Variants in SH3BGRL2 observed in about 807,000 individuals in gnomAD.
SH3BGRL2 encodes SH3 domain-binding glutamic acid-rich-like protein 2.
SH3BGRL2 carries 21 observed loss-of-function variants against 14.8 expected under a neutral mutation model. That is an observed-to-expected ratio of 1.42 (90% CI 1.01 to 2.05). The LOEUF (loss-of-function observed/expected upper bound fraction) is 2.05, where lower values mean the gene tolerates loss of function less well. SH3BGRL2 is among the 30% of genes most tolerant of loss of function. The pLI is 0.00. For synonymous variants in SH3BGRL2, 50 were observed against 47.8 expected (o/e 1.05, Z -0.19); for missense variants, 147 against 130.8 (o/e 1.12, Z -0.61).
chr6:79,653,496 A>C (rs997758848), intron 1 of SH3BGRL2, among the ~76,000 whole-genome samples: 7 of 152,246 alleles, frequency 4.6e-5, no homozygotes, highest in Non-Finnish European at 8.8e-5. Flanking sequence ...ATTTGTAAAC[A>C]GTCTAATGTC....
At chr6:79,663,849 T>C (rs1006202196) in intron 1 of SH3BGRL2, among the ~76,000 whole-genome samples, 1 of 152,170 alleles carries the variant, frequency 6.6e-6, no homozygotes, top group East Asian at 1.9e-4. Flanking sequence ...GGTGGCTTTG[T>C]TTACCTACTC....
chr6:79,681,609 A>G (rs1769989084), intron 2 of SH3BGRL2, among the ~76,000 whole-genome samples: 2 of 152,212 alleles, frequency 1.3e-5, no homozygotes, highest in African/African-American at 4.8e-5. Flanking sequence ...GAGATGTGTT[A>G]GCATTTTCTC....
chr6:79,637,482 G>C (rs1205492589), intron 1 of SH3BGRL2, among the ~76,000 whole-genome samples: 1 of 152,050 alleles, frequency 6.6e-6, no homozygotes, highest in East Asian at 1.9e-4. Context: ...CACGAGGTCA[G>C]GAGTTCGAGA....
chr6:79,698,679 A>G (rs1770381516), intron 3 of SH3BGRL2, among the ~76,000 whole-genome samples: 1 of 149,932 alleles, frequency 6.7e-6, no homozygotes, highest in African/African-American at 2.5e-5. Context: ...GGCCCTGGAT[A>G]TGTTGTTTGT....
At chr6:79,680,047 T>TAA (rs1311848660) in intron 2 of SH3BGRL2, among the ~76,000 whole-genome samples, 1 of 152,208 alleles carries the variant, frequency 6.6e-6, no homozygotes, top group Non-Finnish European at 1.5e-5. Flanking sequence ...TTCACTCTGT[T>TAA]GATTGTGTCC....
the SH3BGRL2 span, among the ~76,000 whole-genome samples, chr6:79,621,970 T>C: frequency 6.6e-6 from 1 of 152,012 alleles, no homozygotes; most frequent in Non-Finnish European, 1.5e-5. Context: ...CTTGCAACCA[T>C]GAGGTGGTAA....
chr6:79,559,399 T>G, the SH3BGRL2 span, among the ~76,000 whole-genome samples: 2 of 152,078 alleles, frequency 1.3e-5, no homozygotes, highest in Non-Finnish European at 1.5e-5. Flanking sequence ...TCAACACCAC[T>G]CATGCAACAT....
chr6:79,605,943 T>C, the SH3BGRL2 span, among the ~76,000 whole-genome samples: 1 of 152,214 alleles, frequency 6.6e-6, no homozygotes, highest in Non-Finnish European at 1.5e-5. Context: ...AGCATTCAAC[T>C]GTCAACTTAA....
intron 1 of SH3BGRL2, among the ~76,000 whole-genome samples, chr6:79,642,346 C>A (rs796542649): frequency 2.6e-5 from 4 of 152,082 alleles, no homozygotes; most frequent in Non-Finnish European, 5.9e-5. Context: ...AAATACTATA[C>A]GACTTGATAT....
At chr6:79,696,425 CA>C in intron 2 of SH3BGRL2, 59 bp from the exon 3 acceptor site, 2 of 1,260,334 alleles carry the variant, frequency 1.6e-6, no homozygotes, top group Non-Finnish European at 2.2e-6. Context: ...TTCAAAGTAC[CA>C]AATATAAAGA....
At chr6:79,652,433 G>A (rs746132161) in intron 1 of SH3BGRL2, among the ~76,000 whole-genome samples, 19 of 152,088 alleles carry the variant, frequency 1.2e-4, no homozygotes, top group Non-Finnish European at 2.2e-4. Flanking sequence ...GTATCATTCT[G>A]CAACAGATTG....
At chr6:79,690,979 G>T (rs901704337) in intron 2 of SH3BGRL2, among the ~76,000 whole-genome samples, 3 of 152,098 alleles carry the variant, frequency 2.0e-5, no homozygotes, top group African/African-American at 4.8e-5. Context: ...TGAATTTTTT[G>T]ATTTTTTTTC....
At chr6:79,613,010 G>A in the SH3BGRL2 span, among the ~76,000 whole-genome samples, 1 of 152,190 alleles carries the variant, frequency 6.6e-6, no homozygotes, top group Non-Finnish European at 1.5e-5. Context: ...TCACCAGCTT[G>A]TGGAAGGAGG....
At chr6:79,560,471 T>C in the SH3BGRL2 span, among the ~76,000 whole-genome samples, 1 of 151,866 alleles carries the variant, frequency 6.6e-6, no homozygotes, top group African/African-American at 2.4e-5. Context: ...AGCTCAGGAG[T>C]TGGAGGTTGT....
the SH3BGRL2 span, among the ~76,000 whole-genome samples, chr6:79,540,472 T>C: frequency 8.6e-5 from 13 of 151,964 alleles, no homozygotes; most frequent in South Asian, 2.3e-3. Flanking sequence ...AAATAAATAG[T>C]ATAATTTCAT....
intron 1 of SH3BGRL2, among the ~76,000 whole-genome samples, chr6:79,638,585 C>G (rs1582712971): frequency 6.6e-6 from 1 of 152,158 alleles, no homozygotes; most frequent in Non-Finnish European, 1.5e-5. Context: ...ATGAGGTCCT[C>G]TTTCTCTGCA....
At chr6:79,644,509 A>G (rs942255745) in intron 1 of SH3BGRL2, among the ~76,000 whole-genome samples, 2 of 152,166 alleles carry the variant, frequency 1.3e-5, no homozygotes, top group Non-Finnish European at 2.9e-5. Context: ...CTCTAATATT[A>G]GATTATTTAT....
the SH3BGRL2 span, among the ~76,000 whole-genome samples, chr6:79,609,916 C>A: frequency 6.6e-6 from 1 of 152,166 alleles, no homozygotes; most frequent in East Asian, 1.9e-4. Context: ...TGTATCCTAA[C>A]AAATAGATTT....
the SH3BGRL2 span, among the ~76,000 whole-genome samples, chr6:79,620,149 G>A: frequency 2.0e-5 from 3 of 151,634 alleles, no homozygotes. Flanking sequence ...TAGAAGCCTG[G>A]TTCTCCCTTT....
Sources: allele counts gnomAD v4.1 joint callset (sites outside exome capture counted in the v4.1 genomes callset), GRCh38; gene constraint gnomAD v4.1.1; transcripts MANE v1.5; gene names NCBI Gene and HGNC (gene_info 2026-07-23, HGNC 2026-07-21).